SPOPL: variants seen among roughly 807,000 people sequenced by gnomAD.
The protein encoded by SPOPL is speckle type BTB/POZ protein like.
SPOPL carries 23 observed loss-of-function variants against 53.8 expected under a neutral mutation model. The observed-to-expected ratio is 0.43, with a 90% CI of 0.31 to 0.61. The LOEUF (loss-of-function observed/expected upper bound fraction) is 0.61. Ranked by LOEUF, SPOPL falls within the 20% of genes least tolerant of loss-of-function variation. SPOPL has a pLI of 0.12. For missense variants in SPOPL, 442 were observed against 466.9 expected (o/e 0.95, Z 0.49); for synonymous variants, 164 against 149.7 (o/e 1.10, Z -0.70).
At chr2:138,541,356 G>T (rs893258509) in intron 1 of SPOPL, among the ~76,000 whole-genome samples, 5 of 152,170 alleles carry the variant, frequency 3.3e-5, no homozygotes, top group Admixed American at 2.0e-4. Context: ...GAATTCAGCT[G>T]TGAATCCATC....
In SPOPL at chr2:138,559,026, G is replaced by A. The variant is rs1417204721; in HGVS notation, c.485G>A (p.Ser162Asn). 8 of 1,589,062 alleles carry A rather than the reference G, an allele frequency of 5.0e-6. No individual in the cohort carries two copies. The East Asian group carries it at 1.8e-4, about 36-fold the overall frequency. The change falls in exon 6 of 11, where the codon AGT becomes AAT. Residue 162 changes from serine to asparagine, a missense_variant. Transcript: ENST00000280098. ...TTGCTGTCCCTTTTTTATTAGGTGA[G>A]TGTGGTCCAAGATTCAGTAAACATA... ...DDKLTLFCEV[S>N]VVQDSVNISG...
chr2:138,515,375 T>G (rs1435135593), intron 1 of SPOPL, among the ~76,000 whole-genome samples: 1 of 152,202 alleles, frequency 6.6e-6, no homozygotes, highest in Non-Finnish European at 1.5e-5. Flanking sequence ...TCTGTGGGGT[T>G]TTGCTACAGT....
rs1447143789 is a variant in SPOPL, at chr2:138,559,052, T to C, written c.511T>C (p.Ser171Pro). Residue 171 changes from serine (S) to proline (P), a missense_variant, in exon 6 of 11, where the codon TCA becomes CCA. Ser to Pro is a moderately conservative substitution (Grantham distance 74). Coordinates refer to ENST00000280098, the MANE Select transcript of SPOPL (RefSeq NM_001001664.3). ...TGTGGTCCAAGATTCAGTAAACATA[T>C]CAGGACATACTAATACAAATACTTT... is the stretch of plus-strand genomic sequence containing the variant. ...VSVVQDSVNI[S>P]GHTNTNTLKV... 2 of 1,610,880 alleles carry C rather than the reference T, an allele frequency of 1.2e-6. No homozygotes were observed. The highest frequency in any genetic ancestry group is 1.1e-5 in the South Asian group (1 of 90,380).
At chr2:138,505,029 A>G (rs1042737655) in intron 1 of SPOPL, among the ~76,000 whole-genome samples, 2 of 152,234 alleles carry the variant, frequency 1.3e-5, no homozygotes, top group Non-Finnish European at 2.9e-5. Flanking sequence ...CAGGCAACAT[A>G]GTTCTCATCT....
At chr2:138,518,046 CA>C (rs61662616) in intron 1 of SPOPL, among the ~76,000 whole-genome samples, 7,956 of 67,782 alleles carry the variant, frequency 0.12, 282 homozygotes, top group East Asian at 0.39. Context: ...GAAACTGTCT[CA>C]AAAAAAAAAA....
chr2:138,546,725 A>C (rs1009351235), intron 1 of SPOPL, among the ~76,000 whole-genome samples: 2 of 151,994 alleles, frequency 1.3e-5, no homozygotes, highest in Non-Finnish European at 2.9e-5. Context: ...CTATTTTCTA[A>C]TTACTTTAAA....
chr2:138,559,914 A>G lies in SPOPL; in HGVS notation c.714+577A>G, dbSNP rs1020233154. ...CTCCAGAGTTTTTTCATGTGGCTCA[A>G]TTTTATTCTTTCTGCAGAACTAGAT... On this transcript the variant is annotated intron_variant, in intron 7 of 10. Transcript: ENST00000280098. Among the ~76,000 whole-genome samples, 3 of 152,220 alleles carry G rather than the reference A, an allele frequency of 2.0e-5. No individual in the cohort carries two copies. The East Asian group carries it at 5.8e-4, about 29-fold the overall frequency.
At chr2:138,511,303 C>T (rs1230310130) in intron 1 of SPOPL, among the ~76,000 whole-genome samples, 1 of 152,098 alleles carries the variant, frequency 6.6e-6, no homozygotes, top group African/African-American at 2.4e-5. Context: ...ACAAAAATTG[C>T]ATCTTTAAGT....
In SPOPL at chr2:138,571,149, G is replaced by A. The variant is rs1573916237; in HGVS notation, c.*2069G>A. 6.6e-6 allele frequency: 1 copy of A among 152,000 alleles called. No individual in the cohort carries two copies. Among genetic ancestry groups the A allele is most frequent in the African/African-American group, 2.4e-5 (1 of 41,390 alleles). The allele number at this position is 152,000 out of a possible 1,614,324, so 9.4% of individuals were successfully genotyped here. On this transcript the variant is annotated 3_prime_UTR_variant, in exon 11 of 11. Transcript: ENST00000280098. ...TACATTTCCAGTTTTAAGATTTTGC[G>A]AGGGTCTTATAAGAAAACAAAAATT...
At chr2:138,521,569 G>A (rs562396124) in intron 1 of SPOPL, among the ~76,000 whole-genome samples, 91 of 152,076 alleles carry the variant, frequency 6.0e-4, no homozygotes, top group African/African-American at 2.1e-3. Flanking sequence ...TTTTTTGTGT[G>A]TGTGGGAGAA....
chr2:138,525,663 A>AAAACAAC (rs1553468799), intron 1 of SPOPL, among the ~76,000 whole-genome samples: 2 of 130,482 alleles, frequency 1.5e-5, no homozygotes, highest in African/African-American at 5.7e-5. Flanking sequence ...GTAGAAAAAA[A>AAAACAAC]AAAAAAAAAA....
intron 1 of SPOPL, among the ~76,000 whole-genome samples, chr2:138,515,093 C>T (rs1039546206): frequency 2.0e-5 from 3 of 152,122 alleles, no homozygotes; most frequent in Non-Finnish European, 4.4e-5. Context: ...GAATATACAA[C>T]AAATTTAAGT....
At chr2:138,505,303 A>G (rs961140520) in intron 1 of SPOPL, among the ~76,000 whole-genome samples, 1 of 152,186 alleles carries the variant, frequency 6.6e-6, no homozygotes, top group African/African-American at 2.4e-5. Flanking sequence ...AGGCATTTAC[A>G]TTTAGTGGTC....
At position 138,568,933 on chromosome 2, in the gene SPOPL, C is replaced by T. The variant is rs1472728832; in HGVS notation, c.1035-3C>T. On this transcript the variant is annotated splice_region_variant and splice_polypyrimidine_tract_variant and intron_variant, in intron 10 of 10. Coordinates refer to ENST00000280098, the MANE Select transcript of SPOPL (RefSeq NM_001001664.3). ...GTAAATATCTTTTAATTCTATTTTT[C>T]AGCCAAGCAACCGACATAATGGAAA... 1 of 1,613,144 alleles carries T rather than the reference C, an allele frequency of 6.2e-7. No individual in the cohort carries two copies. The highest frequency in any genetic ancestry group is 8.5e-7 in the Non-Finnish European group (1 of 1,179,632).
chr2:138,549,421 G>A (rs1685266542), intron 1 of SPOPL, among the ~76,000 whole-genome samples: 2 of 152,008 alleles, frequency 1.3e-5, no homozygotes, highest in Non-Finnish European at 1.5e-5. Context: ...TACTTATGTA[G>A]CTTATTCTGA....
chr2:138,555,475 T>A (rs1685403593), intron 5 of SPOPL, among the ~76,000 whole-genome samples: 1 of 152,102 alleles, frequency 6.6e-6, no homozygotes, highest in South Asian at 2.1e-4. Context: ...TTTTTTTAAA[T>A]GACACCAATC....
intron 1 of SPOPL, among the ~76,000 whole-genome samples, chr2:138,528,007 C>A (rs1038231863): frequency 1.3e-5 from 2 of 152,138 alleles, no homozygotes; most frequent in African/African-American, 4.8e-5. Flanking sequence ...TAGAAGTTAT[C>A]TTTTCTCCTT....
chr2:138,567,158 A>G (rs893462570), intron 10 of SPOPL, among the ~76,000 whole-genome samples: 1 of 152,166 alleles, frequency 6.6e-6, no homozygotes, highest in African/African-American at 2.4e-5. Flanking sequence ...TTAAACAGCT[A>G]ATTGCAGTAA....
At chr2:138,555,169 T>TGTGTGTGTGC (rs759402351) in intron 5 of SPOPL, among the ~76,000 whole-genome samples, 2 of 143,218 alleles carry the variant, frequency 1.4e-5, no homozygotes, top group Non-Finnish European at 3.0e-5. Flanking sequence ...TGTGTGTGTG[T>TGTGTGTGTGC]GCGAGCCAGA....
Sources: allele counts gnomAD v4.1 joint callset (sites outside exome capture counted in the v4.1 genomes callset), GRCh38; gene constraint gnomAD v4.1.1; transcripts MANE v1.5; gene names NCBI Gene and HGNC (gene_info 2026-07-23, HGNC 2026-07-21).